The following MSRA variants were observed in gnomAD, a reference collection of about 807,000 sequenced individuals.
MSRA encodes the protein mitochondrial peptide methionine sulfoxide reductase.
In MSRA, 54 loss-of-function variants were observed where a neutral mutation model predicts 31.3. The observed-to-expected ratio is 1.73, with a 90% CI of 1.39 to 2.17. MSRA has a LOEUF of 2.17. MSRA is among the 30% of genes most tolerant of loss of function. The pLI, the probability that MSRA is intolerant of heterozygous loss-of-function variation, is 0.00. For synonymous variants in MSRA, 169 were observed against 116.5 expected, an observed-to-expected ratio of 1.45 and a Z score of -2.90; for missense variants, 507 against 300.9, an observed-to-expected ratio of 1.69 and a Z score of -5.07.
At chr8:10,141,571 C>G (rs1250300691) in intron 1 of MSRA, among the ~76,000 whole-genome samples, 1 of 152,218 alleles carries the variant, frequency 6.6e-6, no homozygotes, top group African/African-American at 2.4e-5. Context: ...GCTAAGCATG[C>G]ATGGAGTCAC....
intron 5 of MSRA, among the ~76,000 whole-genome samples, chr8:10,423,880 G>A (rs1478335435): frequency 6.6e-6 from 1 of 152,162 alleles, no homozygotes; most frequent in Non-Finnish European, 1.5e-5. Flanking sequence ...GAATCTCCAG[G>A]AGATCCCAAG....
At chr8:10,226,277 C>G (rs1395208735) in intron 2 of MSRA, among the ~76,000 whole-genome samples, 1 of 152,202 alleles carries the variant, frequency 6.6e-6, no homozygotes, top group Non-Finnish European at 1.5e-5. Flanking sequence ...ACTAATAGCC[C>G]TCCCAGCTCT....
intron 5 of MSRA, among the ~76,000 whole-genome samples, chr8:10,322,918 G>A (rs371243244): frequency 6.6e-6 from 1 of 151,798 alleles, no homozygotes; most frequent in African/African-American, 2.4e-5. Flanking sequence ...GGTGAAACTC[G>A]GTCTCTACTA....
intron 5 of MSRA, among the ~76,000 whole-genome samples, chr8:10,342,001 T>C (rs1442667063): frequency 1.3e-5 from 2 of 152,112 alleles, no homozygotes; most frequent in Non-Finnish European, 2.9e-5. Context: ...GTTAGGGGCT[T>C]TGGGGAAGCT....
intron 5 of MSRA, among the ~76,000 whole-genome samples, chr8:10,416,017 G>A (rs1343313021): frequency 1.3e-5 from 2 of 152,080 alleles, no homozygotes; most frequent in Admixed American, 6.5e-5. Context: ...GACCCTCTGG[G>A]TGGGGGACAG....
chr8:10,327,793 C>A (rs1802447406), intron 5 of MSRA, among the ~76,000 whole-genome samples: 1 of 152,042 alleles, frequency 6.6e-6, no homozygotes, highest in African/African-American at 2.4e-5. Flanking sequence ...GTTAGTCAGG[C>A]GTGGTGGTGG....
chr8:10,221,566 G>C (rs1585203400), intron 2 of MSRA, among the ~76,000 whole-genome samples: 1 of 152,094 alleles, frequency 6.6e-6, no homozygotes, highest in South Asian at 2.1e-4. Context: ...CTGGCACTGA[G>C]ATTATTTATT....
chr8:10,380,240 T>C (rs1805986325), intron 5 of MSRA, among the ~76,000 whole-genome samples: 1 of 152,244 alleles, frequency 6.6e-6, no homozygotes, highest in South Asian at 2.1e-4. Context: ...TTTTTATCTC[T>C]CTGGATGATT....
chr8:10,311,019 T>G (rs963397096), intron 4 of MSRA, among the ~76,000 whole-genome samples: 1 of 152,174 alleles, frequency 6.6e-6, no homozygotes, highest in Non-Finnish European at 1.5e-5. Context: ...AGAATTTGAA[T>G]AAATTGCTGA....
At position 10,366,537 on chromosome 8, in the gene MSRA, C is replaced by T. The variant is rs115484137; in HGVS notation, c.543+46548C>T. 7.4e-3 allele frequency among the ~76,000 whole-genome samples: 1,128 copies of T among 152,340 alleles called. 20 individuals carry two copies. The highest frequency in any genetic ancestry group is 0.026 in the African/African-American group (1,076 of 41,576). On this transcript the variant is annotated intron_variant, in intron 5 of 5. Coordinates refer to ENST00000317173, the MANE Select transcript of MSRA (RefSeq NM_012331.5). ...AGCTGGGTCTTGATGTGAGGGTCAG[C>T]GATGGGAGCTGTGGTGATCTTTTGG... is the stretch of plus-strand genomic sequence containing the variant.
At chr8:10,221,053 A>G (rs1810449311) in intron 2 of MSRA, among the ~76,000 whole-genome samples, 1 of 152,174 alleles carries the variant, frequency 6.6e-6, no homozygotes, top group East Asian at 1.9e-4. Context: ...CAGTACAGAT[A>G]TGCAGTGGGA....
chr8:10,059,795 C>A (rs1172330242), intron 1 of MSRA, among the ~76,000 whole-genome samples: 1 of 152,088 alleles, frequency 6.6e-6, no homozygotes, highest in African/African-American at 2.4e-5. Flanking sequence ...ATAAAAACAC[C>A]AACATCCATT....
intron 1 of MSRA, among the ~76,000 whole-genome samples, chr8:10,162,192 C>T (rs777969530): frequency 6.6e-6 from 1 of 152,166 alleles, no homozygotes; most frequent in Admixed American, 6.5e-5. Context: ...TCCTGCCACT[C>T]TGAGCCAAGG....
chr8:10,200,261 C>G (rs966953315), intron 1 of MSRA, among the ~76,000 whole-genome samples: 12 of 152,152 alleles, frequency 7.9e-5, no homozygotes. Context: ...CTGAATGACA[C>G]CTGATTTGTT....
intron 1 of MSRA, among the ~76,000 whole-genome samples, chr8:10,190,876 C>G (rs1405555440): frequency 6.6e-6 from 1 of 152,100 alleles, no homozygotes; most frequent in Non-Finnish European, 1.5e-5. Context: ...TTGCCAGGGA[C>G]TTAACTAAAA....
rs1050502118 is a variant in MSRA, at chr8:10,339,877, C to T, written c.543+19888C>T. Among the ~76,000 whole-genome samples the T allele has an allele frequency of 1.5e-4, 23 of 152,124 alleles. No homozygotes were observed. In the East Asian group the frequency reaches 1.6e-3, roughly 10 times the overall value. On this transcript the variant is annotated intron_variant, in intron 5 of 5. Transcript: ENST00000317173. ...TCAATACAGGCTGTCTGATGACTAACGAGAGGGAACATAAGGACCCTATGG... is the reference window on the plus strand; with the variant it reads ...TCAATACAGGCTGTCTGATGACTAATGAGAGGGAACATAAGGACCCTATGG...
intron 2 of MSRA, among the ~76,000 whole-genome samples, chr8:10,236,746 A>G (rs34274326): frequency 0.22 from 33,407 of 152,026 alleles, 4,569 homozygotes; most frequent in South Asian, 0.36. Flanking sequence ...GGGTTTTACT[A>G]TGTTGGCCAG....
chr8:10,397,986 A>T (rs533260390), intron 5 of MSRA, among the ~76,000 whole-genome samples: 5 of 152,326 alleles, frequency 3.3e-5, no homozygotes, highest in African/African-American at 1.2e-4. Context: ...CATCACCAAT[A>T]TAAAAGGTGG....
chr8:10,350,961 AGT>A (rs921405571), intron 5 of MSRA, among the ~76,000 whole-genome samples: 5 of 151,018 alleles, frequency 3.3e-5, no homozygotes, highest in Admixed American at 6.6e-5. Context: ...GGTGACAAAG[AGT>A]GTGTTTTTAA....
Sources: allele counts gnomAD v4.1 joint callset (sites outside exome capture counted in the v4.1 genomes callset), GRCh38; gene constraint gnomAD v4.1.1; transcripts MANE v1.5; gene names NCBI Gene and HGNC (gene_info 2026-07-23, HGNC 2026-07-21).